TRPC4AP: variants seen among roughly 807,000 people sequenced by gnomAD.
The protein encoded by TRPC4AP is transient receptor potential cation channel subfamily C member 4 associated protein.
In TRPC4AP, 45 loss-of-function variants were observed where a neutral mutation model predicts 99.0. The observed-to-expected ratio is 0.45, with a 90% CI of 0.36 to 0.58. The LOEUF is 0.58. TRPC4AP is among the 20% of genes least tolerant of loss of function. The pLI, the probability that TRPC4AP is intolerant of heterozygous loss-of-function variation, is 0.00. For missense variants in TRPC4AP, 879 were observed against 985.3 expected, an observed-to-expected ratio of 0.89 and a Z score of 1.44; for synonymous variants, 408 against 385.8, an observed-to-expected ratio of 1.06 and a Z score of -0.67.
chr20:35,002,889 C>T lies in TRPC4AP; in HGVS notation c.*257G>A. ...AAATGTCCTCTTACCTCTGGGTGGC[C>T]CTGGGCCCCAGGGTTCTGAAGGAAA... On this transcript the variant is annotated 3_prime_UTR_variant, in exon 19 of 19. Coordinates refer to ENST00000252015, the MANE Select transcript of TRPC4AP (RefSeq NM_015638.3). 2.2e-6 allele frequency: 1 copy of T among 452,368 alleles called. No individual in the cohort carries two copies. The highest frequency in any genetic ancestry group is 2.9e-5 in the South Asian group (1 of 34,984). 28.0% of individuals were successfully genotyped at this position (452,368 alleles called of 1,614,324 possible).
At chr20:35,021,457 G>T in intron 8 of TRPC4AP, 101 bp from the exon 9 acceptor site, 1 of 1,347,772 alleles carries the variant, frequency 7.4e-7, no homozygotes, top group Non-Finnish European at 1.0e-6. Context: ...TGGCCATTCG[G>T]CTGGGCCATG....
chr20:35,075,388 G>GCGC (rs1345345863), intron 2 of TRPC4AP, among the ~76,000 whole-genome samples: 10 of 152,332 alleles, frequency 6.6e-5, no homozygotes, highest in Middle Eastern at 3.4e-3. Context: ...TTTTGCAGTA[G>GCGC]TTGGTATCGG....
intron 4 of TRPC4AP, among the ~76,000 whole-genome samples, chr20:35,055,272 G>GTCTT (rs2083798286): frequency 6.6e-6 from 1 of 152,106 alleles, no homozygotes; most frequent in Non-Finnish European, 1.5e-5. Flanking sequence ...ATGCTCCACA[G>GTCTT]TCTTCATAAT....
chr20:35,059,266 A>G (rs2083917286), intron 3 of TRPC4AP, among the ~76,000 whole-genome samples: 1 of 152,210 alleles, frequency 6.6e-6, no homozygotes, highest in South Asian at 2.1e-4. Context: ...AACAAAAGTG[A>G]TTATAAGGAA....
chr20:35,041,585 G>A (rs771112300), intron 7 of TRPC4AP, among the ~76,000 whole-genome samples: 3 of 152,110 alleles, frequency 2.0e-5, no homozygotes, highest in Non-Finnish European at 1.5e-5. Flanking sequence ...TGGGCTTTCC[G>A]TTCTCAGTTA....
At chr20:35,063,238 C>T (rs1569135202) in intron 3 of TRPC4AP, among the ~76,000 whole-genome samples, 1 of 152,202 alleles carries the variant, frequency 6.6e-6, no homozygotes, top group African/African-American at 2.4e-5. Context: ...TGTGAGTTTC[C>T]TGAGGCCTCC....
chr20:35,010,174 C>T lies in TRPC4AP; in HGVS notation c.1511+13G>A. The T allele has an allele frequency of 6.2e-7, 1 of 1,612,980 alleles. No individual in the cohort carries two copies. Among genetic ancestry groups the T allele is most frequent in the African/African-American group, 1.3e-5 (1 of 75,022 alleles). The stretch of plus-strand genomic sequence containing the variant: ...GGGATGGGCTGAGGGAAAAGCTGCA[C>T]CCCTGCACTCACCTGTCGGTGTTGA... On this transcript the variant is annotated intron_variant, in intron 12 of 18. Transcript: ENST00000252015.
chr20:35,023,024 CAAAA>C (rs11475714), intron 8 of TRPC4AP, among the ~76,000 whole-genome samples: 6 of 135,102 alleles, frequency 4.4e-5, no homozygotes, highest in Non-Finnish European at 4.8e-5. Flanking sequence ...TGGACTGTCT[CAAAA>C]AAAAAAAAAA....
At position 35,009,478 on chromosome 20, in the gene TRPC4AP, C is replaced by CAA. The variant is rs11482143; in HGVS notation, c.1511+707_1511+708dup. Among the ~76,000 whole-genome samples, 113 of 150,780 alleles carry CAA rather than the reference C, an allele frequency of 7.5e-4. No homozygotes were observed. The East Asian group carries it at 9.0e-3, about 12-fold the overall frequency. On this transcript the variant is annotated intron_variant, in intron 12 of 18. Coordinates refer to ENST00000252015, the MANE Select transcript of TRPC4AP (RefSeq NM_015638.3). ...GCAACATAGTGAGACCCCATCTCTA[C>CAA]AAAAAAAAAGTAAAAACACTAGCTG... is the stretch of plus-strand genomic sequence containing the variant.
In TRPC4AP at chr20:35,003,059, G is replaced by A. The variant is rs2082427047; in HGVS notation, c.*87C>T. The A allele has an allele frequency of 6.4e-7, 1 of 1,552,976 alleles. No homozygotes were observed. Among genetic ancestry groups the A allele is most frequent in the South Asian group, 1.2e-5 (1 of 84,280 alleles). On this transcript the variant is annotated 3_prime_UTR_variant, in exon 19 of 19. Coordinates refer to ENST00000252015, the MANE Select transcript of TRPC4AP (RefSeq NM_015638.3). ...ACCTGGGGCAGGCAGAGAGCAGCAG[G>A]GAGGAACGGGAACAGGGCAGGGCGT...
chr20:35,036,048 G>A (rs796317066), intron 7 of TRPC4AP, among the ~76,000 whole-genome samples: 16 of 150,778 alleles, frequency 1.1e-4, no homozygotes, highest in African/African-American at 3.7e-4. Context: ...TTTTTTTAAG[G>A]TAAAGAAAAA....
Position 35,008,655 on chromosome 20 carries a change from C to T in TRPC4AP, c.1595+9G>A, listed in dbSNP as rs749587567. 1.4e-5 allele frequency: 22 copies of T among 1,612,404 alleles called. No homozygotes were observed. The highest frequency in any genetic ancestry group is 3.3e-5 in the South Asian group (3 of 90,848). On this transcript the variant is annotated intron_variant, in intron 13 of 18. Transcript: ENST00000252015. The stretch of plus-strand genomic sequence containing the variant: ...CGCAGAATCGGCAGGTACTTTTCCC[C>T]AGACTCACCTGAAAGACGACTCTGC...
chr20:35,005,825 A>G, intron 15 of TRPC4AP, 22 bp from the exon 16 acceptor site: 1 of 1,609,620 alleles, frequency 6.2e-7, no homozygotes, highest in East Asian at 2.2e-5. Context: ...CCAAGCTCAC[A>G]GCAGGCAGTG....
rs546967122 is a variant in TRPC4AP at position 35,038,563 on chromosome 20, T to C, written c.866-3255A>G. The stretch of plus-strand genomic sequence containing the variant: ...AATAAAAAGAGAGCAGCACTTATTT[T>C]ATATTACCTATTTACATTACCATCT... On this transcript the variant is annotated intron_variant, in intron 7 of 18. Transcript: ENST00000252015. Among the ~76,000 whole-genome samples, 6 of 150,562 alleles carry C rather than the reference T, an allele frequency of 4.0e-5. No individual in the cohort carries two copies. The South Asian group carries it at 1.1e-3, about 26-fold the overall frequency.
At chr20:35,029,496 T>C (rs1378934626) in intron 8 of TRPC4AP, among the ~76,000 whole-genome samples, 1 of 152,098 alleles carries the variant, frequency 6.6e-6, no homozygotes, top group Non-Finnish European at 1.5e-5. Context: ...CATTTAACTT[T>C]TTGTTTTCTG....
chr20:35,064,748 A>T (rs926258441), intron 3 of TRPC4AP, among the ~76,000 whole-genome samples: 2 of 152,246 alleles, frequency 1.3e-5, no homozygotes, highest in African/African-American at 4.8e-5. Flanking sequence ...GAAAAGGTGA[A>T]GTAATTATTA....
rs114677382 is a variant in TRPC4AP, at chr20:35,057,076, C to A, written c.472+438G>T. Among the ~76,000 whole-genome samples the A allele has an allele frequency of 7.9e-3, 1,197 of 151,708 alleles. 9 individuals carry two copies. The highest frequency in any genetic ancestry group is 0.027 in the African/African-American group (1,134 of 41,362). On this transcript the variant is annotated intron_variant, in intron 4 of 18. Coordinates refer to ENST00000252015, the MANE Select transcript of TRPC4AP (RefSeq NM_015638.3). ...TAGAATATTACCCATATATCTACCA[C>A]CCAGCTTAAGAAATAGTGCATACCA...
intron 13 of TRPC4AP, among the ~76,000 whole-genome samples, chr20:35,008,037 C>G (rs1384513404): frequency 6.6e-6 from 1 of 152,214 alleles, no homozygotes. Context: ...ACTGGGCTCA[C>G]AGACGATGGG....
At chr20:35,011,469 G>A (rs1165526571) in intron 11 of TRPC4AP, among the ~76,000 whole-genome samples, 1 of 152,130 alleles carries the variant, frequency 6.6e-6, no homozygotes, top group Non-Finnish European at 1.5e-5. Context: ...TACATTCTGA[G>A]CTGCAGCTGC....
Sources: allele counts gnomAD v4.1 joint callset (sites outside exome capture counted in the v4.1 genomes callset), GRCh38; gene constraint gnomAD v4.1.1; transcripts MANE v1.5; gene names NCBI Gene and HGNC (gene_info 2026-07-23, HGNC 2026-07-21).